The following MX2 variants were observed in gnomAD, a reference collection of about 807,000 sequenced individuals.
MX2 encodes interferon-induced GTP-binding protein Mx2.
In MX2, 51 loss-of-function variants were observed where a neutral mutation model predicts 74.0. The observed-to-expected ratio is 0.69, with a 90% CI of 0.55 to 0.87. The LOEUF (loss-of-function observed/expected upper bound fraction) is 0.87. Ranked by LOEUF, MX2 falls within the 40% of genes least tolerant of loss-of-function variation. The pLI is 0.00. For synonymous variants in MX2, 369 were observed against 339.3 expected (o/e 1.09, Z -0.96); for missense variants, 832 against 908.7 (o/e 0.92, Z 1.09).
chr21:41,382,502 A>G lies in MX2; in HGVS notation c.670A>G (p.Ile224Val), dbSNP rs1263776314. The G allele has an allele frequency of 1.2e-6, 2 of 1,614,076 alleles. No homozygotes were observed. The highest frequency in any genetic ancestry group is 1.7e-6 in the Non-Finnish European group (2 of 1,180,042). ...TSPEVPDLTI[I>V]DLPGITRVAV... is the part of the protein sequence containing the mutation. ...CCCTGAGGTTCCAGACCTGACCATC[A>G]TTGACCTTCCCGGCATCACCAGGGT... is the stretch of plus-strand genomic sequence containing the variant. The change falls in exon 5 of 14, where the codon ATT becomes GTT. Residue 224 changes from isoleucine (I) to valine (V), a missense_variant. Coordinates refer to ENST00000330714, the MANE Select transcript of MX2 (RefSeq NM_002463.2).
chr21:41,373,403 G>C (rs2089352006), intron 1 of MX2, among the ~76,000 whole-genome samples: 2 of 152,184 alleles, frequency 1.3e-5, no homozygotes, highest in African/African-American at 4.8e-5. Flanking sequence ...GCCTTGTTGG[G>C]AGTAGGCACT....
At chr21:41,374,777 C>G (rs892303432) in intron 1 of MX2, among the ~76,000 whole-genome samples, 2 of 152,174 alleles carry the variant, frequency 1.3e-5, no homozygotes, top group African/African-American at 2.4e-5. Flanking sequence ...CCCAACTGTC[C>G]CAAAGCCCCA....
At chr21:41,369,713 G>A (rs1213680637) in intron 1 of MX2, among the ~76,000 whole-genome samples, 1 of 152,094 alleles carries the variant, frequency 6.6e-6, no homozygotes, top group East Asian at 1.9e-4. Context: ...AGCCACCTTC[G>A]GTAGAAGCCA....
chr21:41,394,431 G>T lies in MX2; in HGVS notation c.872-1156G>T, dbSNP rs73905352. On this transcript the variant is annotated intron_variant, in intron 6 of 13. Transcript: ENST00000330714. Reference sequence around the variant, plus strand: ...GTCCAAATGTTGCCTTCTGAGAGCGGACCTCCCTGTCCACCCAACTTGAGA... The same window carrying T: ...GTCCAAATGTTGCCTTCTGAGAGCGTACCTCCCTGTCCACCCAACTTGAGA... Among the ~76,000 whole-genome samples the T allele has an allele frequency of 5.1e-3, 781 of 152,178 alleles. 11 individuals are homozygous for T. The highest frequency in any genetic ancestry group is 0.018 in the African/African-American group (732 of 41,494).
chr21:41,399,095 A>C, intron 9 of MX2, 76 bp downstream of exon 9: 1 of 1,594,316 alleles, frequency 6.3e-7, no homozygotes, highest in South Asian at 1.1e-5. Flanking sequence ...CCCCTTCTTC[A>C]CCCATGAGAT....
chr21:41,384,177 G>A (rs2089537049), intron 5 of MX2, among the ~76,000 whole-genome samples: 1 of 152,144 alleles, frequency 6.6e-6, no homozygotes, highest in South Asian at 2.1e-4. Flanking sequence ...AGTTTCCTGA[G>A]GTCTCCTAGC....
In MX2 at chr21:41,366,495, A is replaced by G. The variant is rs2089266754; in HGVS notation, c.-72+4440A>G. The G allele has an allele frequency of 6.6e-6, 1 of 152,272 alleles. No homozygotes were observed. The allele number at this position is 152,272 out of a possible 1,614,324, so 9.4% of individuals were successfully genotyped here. On this transcript the variant is annotated intron_variant, in intron 1 of 13. Transcript: ENST00000330714. The surrounding 1 kb of genome is among the most constrained non-coding windows in gnomAD (Gnocchi z 4.5). ...GGAGTTGGAGACCAGCCTGACCAAC[A>G]TGGAGAAACCTCATCTCTACTAAAA...
chr21:41,386,155 G>T (rs2089570366), intron 5 of MX2, among the ~76,000 whole-genome samples: 1 of 135,208 alleles, frequency 7.4e-6, no homozygotes, highest in Non-Finnish European at 1.5e-5. Flanking sequence ...GGGAGGCGGA[G>T]CTTGCAGTGA....
At chr21:41,378,710 A>C (rs994091059) in intron 3 of MX2, among the ~76,000 whole-genome samples, 4 of 152,222 alleles carry the variant, frequency 2.6e-5, no homozygotes, top group African/African-American at 7.2e-5. Context: ...CAGAGTGGGT[A>C]CTGGAGAGTG....
intron 6 of MX2, among the ~76,000 whole-genome samples, chr21:41,391,883 T>C (rs2089665451): frequency 6.6e-6 from 1 of 152,172 alleles, no homozygotes; most frequent in South Asian, 2.1e-4. Context: ...GTTTGTTACA[T>C]AGGTAAACTT....
chr21:41,384,564 G>A (rs1013757622), intron 5 of MX2, among the ~76,000 whole-genome samples: 6 of 152,062 alleles, frequency 3.9e-5, no homozygotes, highest in African/African-American at 7.2e-5. Flanking sequence ...TTACAGCCAC[G>A]TGCCCTATGG....
chr21:41,379,321 G>A (rs895120354), intron 3 of MX2, among the ~76,000 whole-genome samples: 4 of 152,326 alleles, frequency 2.6e-5, no homozygotes, highest in African/African-American at 9.6e-5. Context: ...CGGGACAAAG[G>A]TCGCGGGTTC....
Position 41,402,128 on chromosome 21 carries a change from G to A in MX2, c.1573G>A (p.Glu525Lys), listed in dbSNP as rs1396282168. The A allele has an allele frequency of 3.1e-6, 5 of 1,611,194 alleles. No homozygotes were observed. Among genetic ancestry groups the A allele is most frequent in the Admixed American group, 1.7e-5 (1 of 59,182 alleles). ...CCTTAGCATGCTCCAGAAAGCCATG[G>A]GTGAGGACTTTCAAGCAGGACTCCC... ...PALSMLQKAM[E>K]IIQQAFINVA... The change falls in exon 11 of 14, where the codon GAA (glutamate) becomes AAA (lysine). Residue 525 changes from glutamate to lysine, a missense_variant and splice_region_variant. Coordinates refer to ENST00000330714, the MANE Select transcript of MX2 (RefSeq NM_002463.2). The surrounding 1 kb of genome is among the most constrained non-coding windows in gnomAD (Gnocchi z 4.5).
At chr21:41,378,057 G>A (rs1035492308) in intron 3 of MX2, 76 bp downstream of exon 3, 2 of 1,494,976 alleles carry the variant, frequency 1.3e-6, no homozygotes, top group Admixed American at 4.1e-5. Flanking sequence ...CAGGCACCAA[G>A]AGGTTTTAGA....
intron 5 of MX2, among the ~76,000 whole-genome samples, chr21:41,383,537 C>T (rs1359592117): frequency 2.0e-5 from 3 of 152,192 alleles, no homozygotes; most frequent in South Asian, 2.1e-4. Flanking sequence ...GAGACAGAGT[C>T]GATGCCAGGG....
chr21:41,377,254 G>A (rs779686069), intron 2 of MX2, 99 bp downstream of exon 2: 4 of 1,503,748 alleles, frequency 2.7e-6, no homozygotes, highest in East Asian at 4.5e-5. Context: ...CAGCCAGTCT[G>A]CTCCTCCAGC....
At chr21:41,405,829 C>G (rs542640487) in intron 12 of MX2, among the ~76,000 whole-genome samples, 1 of 151,616 alleles carries the variant, frequency 6.6e-6, no homozygotes, top group African/African-American at 2.4e-5. Context: ...CTCAGCCTCC[C>G]AAGTAGCTGG....
rs955958338 is a variant in MX2 at position 41,391,291 on chromosome 21, C to T, written c.871+588C>T. On this transcript the variant is annotated intron_variant, in intron 6 of 13. Coordinates refer to ENST00000330714, the MANE Select transcript of MX2 (RefSeq NM_002463.2). ...AAAAAAGGATCTATTTGAATATTAA[C>T]ATCTCCAAGGAAACTTAGTACTACT... 2.6e-5 allele frequency among the ~76,000 whole-genome samples: 4 copies of T among 151,910 alleles called. No individual in the cohort carries two copies. The South Asian group carries it at 6.2e-4, about 24-fold the overall frequency.
intron 8 of MX2, among the ~76,000 whole-genome samples, 155 bp downstream of exon 8, chr21:41,397,846 AG>A (rs2089756509): frequency 6.6e-6 from 1 of 152,238 alleles, no homozygotes; most frequent in Non-Finnish European, 1.5e-5. Flanking sequence ...GCTCACTGGA[AG>A]AACTTCCAAA....
Sources: allele counts gnomAD v4.1 joint callset (sites outside exome capture counted in the v4.1 genomes callset), GRCh38; gene constraint gnomAD v4.1.1; non-coding constraint Gnocchi (gnomAD v3.1); transcripts MANE v1.5; gene names NCBI Gene and HGNC (gene_info 2026-07-23, HGNC 2026-07-21).